Variants in TBC1D30 observed in about 807,000 individuals in gnomAD.
TBC1D30 encodes the protein TBC1 domain family, member 30.
Under a neutral mutation model 63.2 loss-of-function variants are expected in TBC1D30, and 31 were observed. That is an observed-to-expected ratio of 0.49 (90% CI 0.37 to 0.66). The LOEUF (loss-of-function observed/expected upper bound fraction) is 0.66, where lower values mean the gene tolerates loss of function less well. Ranked by LOEUF, TBC1D30 falls within the 30% of genes least tolerant of loss-of-function variation. The pLI is 0.00. For missense variants in TBC1D30, 810 were observed against 953.6 expected (o/e 0.85, Z 1.98); for synonymous variants, 307 against 361.5 (o/e 0.85, Z 1.71).
At chr12:64,811,038 T>C (rs566371390) in intron 2 of TBC1D30, among the ~76,000 whole-genome samples, 3 of 152,324 alleles carry the variant, frequency 2.0e-5, no homozygotes, top group African/African-American at 7.2e-5. Context: ...TCTAAACATT[T>C]CTCTTTGAAC....
At chr12:64,874,932 G>T in intron 11 of TBC1D30, 69 bp from the exon 12 acceptor site, 1 of 1,431,398 alleles carries the variant, frequency 7.0e-7, no homozygotes, top group Non-Finnish European at 9.3e-7. Flanking sequence ...ACCTCTAAGT[G>T]ATTTCTGTTC....
intron 7 of TBC1D30, among the ~76,000 whole-genome samples, chr12:64,842,542 C>T (rs758432554): frequency 7.9e-5 from 12 of 152,098 alleles, no homozygotes; most frequent in Non-Finnish European, 1.2e-4. Context: ...GTGTAATCTC[C>T]AACTAGCAGC....
At chr12:64,847,955 A>T (rs1385157669) in intron 8 of TBC1D30, among the ~76,000 whole-genome samples, 4 of 150,146 alleles carry the variant, frequency 2.7e-5, no homozygotes, top group Non-Finnish European at 4.4e-5. Flanking sequence ...TGTCTGGGTG[A>T]TCTGTCCAAT....
rs911386953 is a variant in TBC1D30, at chr12:64,875,314, G to A, written c.1812G>A (p.Leu604=). ...EQNEASKTNG[L]GAAEAFPSGC... Reference sequence around the variant, plus strand: ...ACGAGGCCAGCAAGACCAATGGGCTGGGGGCAGCAGAGGCATTCCCCTCTG... The same window carrying A: ...ACGAGGCCAGCAAGACCAATGGGCTAGGGGCAGCAGAGGCATTCCCCTCTG... Residue 604 remains leucine (L), a synonymous_variant, in exon 12 of 12, where the codon CTG becomes CTA. Transcript: ENST00000539867. 1 of 1,536,296 alleles carries A rather than the reference G, an allele frequency of 6.5e-7. No homozygotes were observed. Among genetic ancestry groups the A allele is most frequent in the African/African-American group, 1.4e-5 (1 of 73,180 alleles).
At chr12:64,829,229 C>A (rs1269547463) in intron 3 of TBC1D30, among the ~76,000 whole-genome samples, 2 of 152,034 alleles carry the variant, frequency 1.3e-5, no homozygotes, top group Non-Finnish European at 2.9e-5. Flanking sequence ...ACGGGCTACT[C>A]TGGGTACTGA....
chr12:64,764,660 C>T (rs910749151), intron 1 of TBC1D30, among the ~76,000 whole-genome samples: 2 of 152,168 alleles, frequency 1.3e-5, no homozygotes, highest in African/African-American at 4.8e-5. Flanking sequence ...TCATGCTTGA[C>T]AAAGTTGACT....
Position 64,838,811 on chromosome 12 carries a change from A to G in TBC1D30, c.892A>G (p.Ile298Val). The part of the protein sequence containing the change: ...DSVFFEGSEI[I>V]LRVSLAIWAK... ...AGTCTTCTTTGAAGGTTCAGAAATC[A>G]TCCTAAGGGTGTCGCTGGCTATCTG... The change falls in exon 7 of 12, where the codon ATC (isoleucine) becomes GTC (valine). Residue 298 changes from isoleucine to valine, a missense_variant. Physicochemically the swap from Ile to Val is conservative, Grantham distance 29. Coordinates refer to ENST00000539867, the MANE Select transcript of TBC1D30 (RefSeq NM_015279.2). 1.3e-6 allele frequency: 2 copies of G among 1,536,170 alleles called. No individual in the cohort carries two copies. Among genetic ancestry groups the G allele is most frequent in the Non-Finnish European group, 1.7e-6 (2 of 1,146,912 alleles).
chr12:64,859,806 G>A (rs1202889283), intron 8 of TBC1D30, among the ~76,000 whole-genome samples: 1 of 152,042 alleles, frequency 6.6e-6, no homozygotes, highest in Admixed American at 6.5e-5. Flanking sequence ...TATGGCACTG[G>A]TCATAGCTCT....
At position 64,775,305 on chromosome 12, in the gene TBC1D30, C is replaced by T. The variant is rs572325055; in HGVS notation, c.-375-10576C>T. 3.9e-4 allele frequency among the ~76,000 whole-genome samples: 59 copies of T among 152,086 alleles called. 1 individual carries two copies. Among genetic ancestry groups the T allele is most frequent in the African/African-American group, 1.4e-3 (57 of 41,492 alleles). ...AATAATAACCTTAAATGTAAATGGG[C>T]TAAATGCCCAATTAAAAGACACAGA... On this transcript the variant is annotated intron_variant, in intron 1 of 13. Transcript: ENST00000674237.
chr12:64,869,326 G>A (rs1592661737), intron 10 of TBC1D30, among the ~76,000 whole-genome samples: 1 of 152,106 alleles, frequency 6.6e-6, no homozygotes, highest in Admixed American at 6.6e-5. Flanking sequence ...TCTAACTTTT[G>A]GTGGTGATCT....
In TBC1D30 at chr12:64,781,374, G is replaced by C. The variant is rs1871278299; in HGVS notation, c.478+88G>C. ...TGCCCGCGCTCCAGCGCGCACCTGG[G>C]CTGCTCGGCGGAGCGCTCAGATACT... On this transcript the variant is annotated intron_variant, in intron 1 of 12. Coordinates refer to the TBC1D30 transcript ENST00000542120. 4 of 1,020,280 alleles carry C rather than the reference G, an allele frequency of 3.9e-6. No individual in the cohort carries two copies. In the South Asian group the frequency reaches 1.2e-4, roughly 31 times the overall value. The allele number at this position is 1,020,280 out of a possible 1,614,324, so 63.2% of individuals were successfully genotyped here.
At chr12:64,781,312 C>CG in intron 1 of TBC1D30, 2 of 1,087,208 alleles carry the variant, frequency 1.8e-6, no homozygotes, top group South Asian at 4.1e-5. Context: ...AGCAGGGTCC[C>CG]GGGGGCTTCC....
rs1874153340 is a variant in TBC1D30, at chr12:64,824,820, G to A, written c.-60G>A. Reference sequence around the variant, plus strand: ...AGCTCCGCGAGCTCAGCCGCTCAGCGAGTGGGGTAGCGGGGACCGAGACGG... The same window carrying A: ...AGCTCCGCGAGCTCAGCCGCTCAGCAAGTGGGGTAGCGGGGACCGAGACGG... On this transcript the variant is annotated 5_prime_UTR_variant, in exon 1 of 12. Transcript: ENST00000539867. The A allele has an allele frequency of 2.0e-6, 3 of 1,504,722 alleles. No homozygotes were observed. The highest frequency in any genetic ancestry group is 2.7e-6 in the Non-Finnish European group (3 of 1,129,752). The allele number at this position is 1,504,722 out of a possible 1,614,324, so 93.2% of individuals were successfully genotyped here. A position where few individuals can be genotyped will look rare whatever the true frequency, so the allele number is the denominator to read the frequency against.
At chr12:64,782,500 G>C (rs1793910841) in intron 1 of TBC1D30, among the ~76,000 whole-genome samples, 1 of 151,626 alleles carries the variant, frequency 6.6e-6, no homozygotes, top group Admixed American at 6.6e-5. Flanking sequence ...TTATTTGGTT[G>C]TTCTCAGAGT....
At chr12:64,839,082 T>C (rs1336491991) in intron 7 of TBC1D30, among the ~76,000 whole-genome samples, 1 of 152,234 alleles carries the variant, frequency 6.6e-6, no homozygotes, top group Non-Finnish European at 1.5e-5. Flanking sequence ...CTCAAGTGCT[T>C]GTGTCCTGGC....
chr12:64,865,532 A>G (rs1878136761), intron 9 of TBC1D30, among the ~76,000 whole-genome samples: 1 of 152,068 alleles, frequency 6.6e-6, no homozygotes, highest in Admixed American at 6.5e-5. Flanking sequence ...GATATTGCTA[A>G]TATGTAAAAT....
At chr12:64,826,566 G>A (rs1016779510) in intron 1 of TBC1D30, among the ~76,000 whole-genome samples, 3 of 152,144 alleles carry the variant, frequency 2.0e-5, no homozygotes, top group Admixed American at 6.6e-5. Context: ...CGTGCGCTGG[G>A]CTGGAAACAC....
chr12:64,786,366 C>T (rs1290700184), intron 2 of TBC1D30, among the ~76,000 whole-genome samples: 5 of 152,000 alleles, frequency 3.3e-5, no homozygotes, highest in Non-Finnish European at 7.4e-5. Context: ...GAGTCTCACT[C>T]CGTCACCCAG....
intron 8 of TBC1D30, among the ~76,000 whole-genome samples, chr12:64,847,069 T>C (rs1876450153): frequency 6.6e-6 from 1 of 152,140 alleles, no homozygotes; most frequent in Non-Finnish European, 1.5e-5. Flanking sequence ...TTGTTACTTG[T>C]TATTGGTGTG....
Sources: gnomAD v4.1 joint callset for allele counts (sites outside exome capture counted in the v4.1 genomes callset) on GRCh38, gnomAD v4.1.1 for gene constraint, MANE v1.5 for transcripts, NCBI Gene and HGNC (gene_info 2026-07-23, HGNC 2026-07-21) for gene names.